The following CLCA4 variants were observed in gnomAD, a reference collection of about 807,000 sequenced individuals.
CLCA4 encodes chloride channel accessory 4.
CLCA4 carries 69 observed loss-of-function variants against 78.9 expected under a neutral mutation model. The ratio of observed to expected loss-of-function variants is 0.87; its 90% CI spans 0.72 to 1.07. The LOEUF (loss-of-function observed/expected upper bound fraction) is 1.07. Among genes scored for constraint, CLCA4 ranks in the 50% least tolerant of loss-of-function variants. CLCA4 has a pLI of 0.00. For synonymous variants in CLCA4, 362 were observed against 375.8 expected (o/e 0.96, Z 0.42); for missense variants, 1,133 against 1,095.8 (o/e 1.03, Z -0.48).
At chr1:86,577,802 A>T in intron 11 of CLCA4, 100 bp from the exon 12 acceptor site, 1 of 842,492 alleles carries the variant, frequency 1.2e-6, no homozygotes, top group Non-Finnish European at 1.8e-6. Flanking sequence ...TAAAAATATT[A>T]AGCCTAATCT....
intron 11 of CLCA4, among the ~76,000 whole-genome samples, chr1:86,576,108 C>T (rs1172137202): frequency 1.3e-5 from 2 of 151,876 alleles, no homozygotes; most frequent in East Asian, 3.9e-4. Flanking sequence ...AACAAAAATA[C>T]CCAATAAATA....
chr1:86,572,538 C>A, intron 8 of CLCA4, 76 bp from the exon 9 acceptor site: 1 of 855,722 alleles, frequency 1.2e-6, no homozygotes, highest in Admixed American at 1.9e-5. Flanking sequence ...TTTGTTTTAA[C>A]TATTAGCTTA....
intron 1 of CLCA4, among the ~76,000 whole-genome samples, chr1:86,548,887 G>C (rs1460749195): frequency 1.3e-5 from 2 of 152,094 alleles, no homozygotes; most frequent in East Asian, 3.9e-4. Context: ...GTCACCACAA[G>C]ACAGAAGACA....
At chr1:86,570,217 C>T (rs1650309494) in intron 7 of CLCA4, among the ~76,000 whole-genome samples, 1 of 151,960 alleles carries the variant, frequency 6.6e-6, no homozygotes, top group African/African-American at 2.4e-5. Flanking sequence ...CACACCTTCA[C>T]TCCATGCCAA....
At chr1:86,569,986 G>A (rs1051463901) in intron 7 of CLCA4, among the ~76,000 whole-genome samples, 2 of 151,902 alleles carry the variant, frequency 1.3e-5, no homozygotes, top group Non-Finnish European at 2.9e-5. Flanking sequence ...GAAGTGTGAT[G>A]GAGATGCTAC....
rs1377110404 is a variant in CLCA4, at chr1:86,563,661, G to A, written c.449G>A (p.Gly150Asp). The change falls in exon 4 of 14, where the codon GGC becomes GAC. Residue 150 changes from glycine (G) to aspartate (D), a missense_variant and splice_region_variant. Transcript: ENST00000370563. ...GKKQNEYGPPGKLFVHEWAHL... is the reference protein window; with the variant it reads ...GKKQNEYGPPDKLFVHEWAHL... Reference sequence around the variant, plus strand: ...ATGTATTTGAAATGCTTTCCCACAGGCAAACTGTTTGTCCATGAGTGGGCT... The same window carrying A: ...ATGTATTTGAAATGCTTTCCCACAGACAAACTGTTTGTCCATGAGTGGGCT... 2 of 1,538,320 alleles carry A rather than the reference G, an allele frequency of 1.3e-6. No homozygotes were observed. Among genetic ancestry groups the A allele is most frequent in the Non-Finnish European group, 8.8e-7 (1 of 1,130,828 alleles).
chr1:86,552,045 T>C (rs1291561108), intron 1 of CLCA4, among the ~76,000 whole-genome samples: 1 of 151,788 alleles, frequency 6.6e-6, no homozygotes, highest in Non-Finnish European at 1.5e-5. Flanking sequence ...TGATGCCCAC[T>C]GCAAAAAAAA....
At chr1:86,547,462 C>A (rs1321680) in intron 1 of CLCA4, among the ~76,000 whole-genome samples, 184 bp downstream of exon 1, 1 of 151,990 alleles carries the variant, frequency 6.6e-6, no homozygotes, top group Non-Finnish European at 1.5e-5. Flanking sequence ...TGCATTGTGT[C>A]GGGAACATTA....
intron 7 of CLCA4, among the ~76,000 whole-genome samples, chr1:86,568,481 T>C (rs534857355): frequency 2.3e-4 from 35 of 151,606 alleles, no homozygotes; most frequent in African/African-American, 8.4e-4. Flanking sequence ...CCACAATTAA[T>C]ATAAATTATG....
chr1:86,553,016 G>A, intron 1 of CLCA4: 2 of 624,062 alleles, frequency 3.2e-6, no homozygotes, highest in East Asian at 5.4e-5. Flanking sequence ...GAGGCAGGAC[G>A]TGCCCCCTCC....
Position 86,560,316 on chromosome 1 carries a change from GACCTTCT to G in CLCA4, c.409_415del (p.Leu138GlufsTer98). ...AGGCGAATACATTCACTTCACCCCT[GACCTTCT>G]ACTTGGAAAAAAACAAAATGAATAT... is the stretch of plus-strand genomic sequence containing the variant. On this transcript the variant is annotated frameshift_variant, in exon 3 of 14. Transcript: ENST00000370563. LOFTEE classifies it high-confidence loss of function. 6.2e-7 allele frequency: 1 copy of G among 1,613,410 alleles called. No homozygotes were observed. Among genetic ancestry groups the G allele is most frequent in the Non-Finnish European group, 8.5e-7 (1 of 1,179,920 alleles).
chr1:86,558,733 A>C (rs1467837052), intron 1 of CLCA4, among the ~76,000 whole-genome samples: 18 of 151,938 alleles, frequency 1.2e-4, no homozygotes, highest in Non-Finnish European at 2.6e-4. Context: ...GAGAACTTAC[A>C]TCATGAGAAC....
rs1471288080 is a variant in CLCA4, at chr1:86,552,966, G to T, written c.159+5688G>T. On this transcript the variant is annotated intron_variant, in intron 1 of 13. Coordinates refer to ENST00000370563, the MANE Select transcript of CLCA4 (RefSeq NM_012128.4). ...TCTGTGCTGAGGTGACTGGGCAAAG[G>T]TTAGAAACTGAGCCCTGTGCGTGGC... 6.3e-6 allele frequency: 4 copies of T among 631,990 alleles called. No homozygotes were observed. The African/African-American group carries it at 7.3e-5, about 12-fold the overall frequency. The allele number at this position is 631,990 out of a possible 1,614,324, so 39.1% of individuals were successfully genotyped here. A position where few individuals can be genotyped will look rare whatever the true frequency, so the allele number is the denominator to read the frequency against.
chr1:86,570,259 CT>C (rs1650311163), intron 7 of CLCA4, among the ~76,000 whole-genome samples: 2 of 151,958 alleles, frequency 1.3e-5, no homozygotes, highest in South Asian at 4.1e-4. Flanking sequence ...CATTTTTCAC[CT>C]CTTGGCCTGG....
rs1650664503 is a variant in CLCA4 at position 86,580,119 on chromosome 1, T to C, written c.2534T>C (p.Ile845Thr). ...EENATHIFIA[I>T]KSIDKSNLTS... ...AATGCAACCCACATATTTATTGCCATTAAAAGTATAGATAAAAGCAATTTG... is the reference window on the plus strand; with the variant it reads ...AATGCAACCCACATATTTATTGCCACTAAAAGTATAGATAAAAGCAATTTG... Residue 845 changes from isoleucine (I) to threonine (T), a missense_variant, in exon 14 of 14, where the codon ATT becomes ACT. Coordinates refer to ENST00000370563, the MANE Select transcript of CLCA4 (RefSeq NM_012128.4). 5.0e-6 allele frequency: 8 copies of C among 1,612,696 alleles called. No homozygotes were observed. Among genetic ancestry groups the C allele is most frequent in the African/African-American group, 1.3e-5 (1 of 74,830 alleles).
rs775355339 is a variant in CLCA4 at position 86,565,807 on chromosome 1, T to C, written c.741T>C (p.Val247=). Residue 247 remains valine, a synonymous_variant, in exon 6 of 14, where the codon GTT becomes GTC. Coordinates refer to ENST00000370563, the MANE Select transcript of CLCA4 (RefSeq NM_012128.4). The part of the protein sequence containing the change: ...IMFMQSIDSV[V]EFCNEKTHNQ... ...TTATTTTATTAACCTTTTAGGTTGT[T>C]GAATTTTGTAACGAAAAAACCCATA... 3 of 1,516,892 alleles carry C rather than the reference T, an allele frequency of 2.0e-6. No individual in the cohort carries two copies. Among genetic ancestry groups the C allele is most frequent in the Non-Finnish European group, 2.7e-6 (3 of 1,131,294 alleles). The allele number at this position is 1,516,892 out of a possible 1,614,324, so 94.0% of individuals were successfully genotyped here.
chr1:86,553,116 A>G, intron 1 of CLCA4: 1 of 777,716 alleles, frequency 1.3e-6, no homozygotes, highest in East Asian at 2.5e-5. Flanking sequence ...GCCGTATCCC[A>G]TCCTGCGTCA....
chr1:86,549,875 T>G (rs544291883), intron 1 of CLCA4, among the ~76,000 whole-genome samples: 1 of 152,308 alleles, frequency 6.6e-6, no homozygotes, highest in South Asian at 2.1e-4. Context: ...GAATTCATGA[T>G]GAAGAATGAA....
Position 86,580,381 on chromosome 1 carries a change from G to C in CLCA4, c.*36G>C. ...AGAAAAAAATCTTCAAGTAGACCTA[G>C]AAGAGAGTTTTAAAAAACAAAACAA... On this transcript the variant is annotated 3_prime_UTR_variant, in exon 14 of 14. Coordinates refer to ENST00000370563, the MANE Select transcript of CLCA4 (RefSeq NM_012128.4). The C allele has an allele frequency of 6.8e-7, 1 of 1,475,444 alleles. No homozygotes were observed. Among genetic ancestry groups the C allele is most frequent in the Non-Finnish European group, 9.0e-7 (1 of 1,107,972 alleles). The allele number at this position is 1,475,444 out of a possible 1,614,324, so 91.4% of individuals were successfully genotyped here. A position where few individuals can be genotyped will look rare whatever the true frequency, so the allele number is the denominator to read the frequency against.
Sources: allele counts gnomAD v4.1 joint callset (sites outside exome capture counted in the v4.1 genomes callset), GRCh38; gene constraint gnomAD v4.1.1; transcripts MANE v1.5; gene names NCBI Gene and HGNC (gene_info 2026-07-23, HGNC 2026-07-21).